Variants in SNX31 observed in about 807,000 individuals in gnomAD.
The protein encoded by SNX31 is sorting nexin 31.
A neutral mutation model predicts 65.4 loss-of-function variants in SNX31; 58 were observed. That is an observed-to-expected ratio of 0.89 (90% CI 0.72 to 1.10). The LOEUF is 1.10. Among genes scored for constraint, SNX31 ranks in the 50% least tolerant of loss-of-function variants. The pLI, the probability that SNX31 is intolerant of heterozygous loss-of-function variation, is 0.00. For synonymous variants in SNX31, 181 were observed against 190.1 expected (o/e 0.95, Z 0.39); for missense variants, 523 against 529.7 (o/e 0.99, Z 0.12).
rs536998204 is a variant in SNX31 at position 100,634,900 on chromosome 8, A to T, written c.256+997T>A. ...GTGAGACCCCACCTCTGTAAAAAAAATTTTTTTTTTTAATTGGCCAGGCAT... is the reference window on the plus strand; with the variant it reads ...GTGAGACCCCACCTCTGTAAAAAAATTTTTTTTTTTTAATTGGCCAGGCAT... On this transcript the variant is annotated intron_variant, in intron 3 of 13. Coordinates refer to ENST00000311812, the MANE Select transcript of SNX31 (RefSeq NM_152628.4). Among the ~76,000 whole-genome samples the T allele has an allele frequency of 2.6e-3, 350 of 136,922 alleles. 3 individuals carry two copies. Among genetic ancestry groups the T allele is most frequent in the Admixed American group, 0.016 (227 of 13,928 alleles). The allele number at this position is 136,922 out of a possible 152,430, so 89.8% of individuals were successfully genotyped here.
In SNX31 at chr8:100,625,940, A is replaced by G. The variant is rs7004548; in HGVS notation, c.321+4387T>C. On this transcript the variant is annotated intron_variant, in intron 4 of 13. Coordinates refer to ENST00000311812, the MANE Select transcript of SNX31 (RefSeq NM_152628.4). The surrounding 1 kb of genome is among the most constrained non-coding windows in gnomAD (Gnocchi z 4.2). ...TAAGATTTTGCTTTTTAAAACCTAT[A>G]TCTTGGCCAGGCATGGTAGCTCACA... Among the ~76,000 whole-genome samples the G allele has an allele frequency of 0.19, 29,402 of 152,118 alleles. 3,595 individuals are homozygous for G. Among genetic ancestry groups the G allele is most frequent in the African/African-American group, 0.34 (14,062 of 41,458 alleles).
chr8:100,642,145 G>T (rs12545144), intron 2 of SNX31, among the ~76,000 whole-genome samples: 71,841 of 151,822 alleles, frequency 0.47, 17,222 homozygotes, highest in South Asian at 0.53. Flanking sequence ...GAAATTTTTC[G>T]GCCCTTCCAG....
intron 5 of SNX31, among the ~76,000 whole-genome samples, chr8:100,615,575 C>T (rs138983707): frequency 1.3e-5 from 2 of 152,264 alleles, no homozygotes; most frequent in South Asian, 4.2e-4. Context: ...GTGAACACTG[C>T]GAAGTGAACT....
intron 12 of SNX31, among the ~76,000 whole-genome samples, chr8:100,580,156 TAAAAAAAAAA>T (rs10608114): frequency 8.0e-6 from 1 of 124,492 alleles, no homozygotes; most frequent in Non-Finnish European, 1.8e-5. Flanking sequence ...AGCCTGTCTT[TAAAAAAAAAA>T]AAAAAAAAAA....
rs1346806690 is a variant in SNX31, at chr8:100,626,593, C to T, written c.321+3734G>A. 6.6e-6 allele frequency among the ~76,000 whole-genome samples: 1 copy of T among 152,090 alleles called. No individual in the cohort carries two copies. Among genetic ancestry groups the T allele is most frequent in the Non-Finnish European group, 1.5e-5 (1 of 68,010 alleles). On this transcript the variant is annotated intron_variant, in intron 4 of 13. Coordinates refer to ENST00000311812, the MANE Select transcript of SNX31 (RefSeq NM_152628.4). The surrounding 1 kb of genome is among the most constrained non-coding windows in gnomAD (Gnocchi z 4.4). ...CAGATTCGATGAATTCAACTCAGGCCCCCTCCCCAGTACTATGTGTCAGCA... is the reference window on the plus strand; with the variant it reads ...CAGATTCGATGAATTCAACTCAGGCTCCCTCCCCAGTACTATGTGTCAGCA...
chr8:100,619,492 A>G (rs991922447), intron 4 of SNX31, among the ~76,000 whole-genome samples: 1 of 152,206 alleles, frequency 6.6e-6, no homozygotes, highest in African/African-American at 2.4e-5. Context: ...CTTGGGATGG[A>G]GCTGGAGACA....
At chr8:100,651,713 C>T (rs907669574), upstream of SNX31, among the ~76,000 whole-genome samples, 2 of 152,266 alleles carry the variant, frequency 1.3e-5, no homozygotes, top group African/African-American at 4.8e-5. Flanking sequence ...ATTGGAGGCG[C>T]TGCTCTGAAC....
chr8:100,586,605 T>G (rs1054617774), intron 11 of SNX31, among the ~76,000 whole-genome samples: 2 of 152,214 alleles, frequency 1.3e-5, no homozygotes, highest in African/African-American at 4.8e-5. Context: ...TGACTGATAA[T>G]CTTGCCTTAG....
intron 3 of SNX31, among the ~76,000 whole-genome samples, chr8:100,634,293 C>A (rs1292105933): frequency 6.6e-6 from 1 of 152,176 alleles, no homozygotes; most frequent in Non-Finnish European, 1.5e-5. Flanking sequence ...TAAGGACTAA[C>A]ATGAAGGCAC....
At chr8:100,662,990 C>T (rs1254226633) in intron 1 of SNX31, among the ~76,000 whole-genome samples, 1 of 152,122 alleles carries the variant, frequency 6.6e-6, no homozygotes, top group Non-Finnish European at 1.5e-5. Flanking sequence ...TAGCTGGAAG[C>T]CGTTATCCTA....
Position 100,660,694 on chromosome 8 carries a change from G to T in SNX31, c.-58+2448C>A, listed in dbSNP as rs1342019200. Among the ~76,000 whole-genome samples the T allele has an allele frequency of 6.6e-6, 1 of 152,098 alleles. No homozygotes were observed. On this transcript the variant is annotated intron_variant, in intron 1 of 5. Coordinates refer to the SNX31 transcript ENST00000520352. This position sits in a 1 kb window ranked among gnomAD's most constrained non-coding sequence, Gnocchi z 4.1. ...TGGCCTCTCCCAGCAGCCTGGCCTG[G>T]GCCTGTCAAACTCCAGTGTACTTGC...
At chr8:100,631,338 G>C (rs989371830) in intron 3 of SNX31, among the ~76,000 whole-genome samples, 1 of 151,722 alleles carries the variant, frequency 6.6e-6, no homozygotes, top group Non-Finnish European at 1.5e-5. Flanking sequence ...ACCCCCACTT[G>C]CCACAGATCC....
In SNX31 at chr8:100,575,063, G is replaced by GA. The variant is rs796412256; in HGVS notation, c.1228-1104dup. Reference sequence around the variant, plus strand: ...GACACGGTTATGGAAAGTGGAAAGTGAAAAAAAAAATGTGGAGCCCCTCAG... The same window carrying GA: ...GACACGGTTATGGAAAGTGGAAAGTGAAAAAAAAAAATGTGGAGCCCCTCAG... On this transcript the variant is annotated intron_variant, in intron 13 of 13. Coordinates refer to ENST00000311812, the MANE Select transcript of SNX31 (RefSeq NM_152628.4). This position sits in a 1 kb window ranked among gnomAD's most constrained non-coding sequence, Gnocchi z 5.1. 2.7e-5 allele frequency among the ~76,000 whole-genome samples: 4 copies of GA among 149,954 alleles called. No individual in the cohort carries two copies. Among genetic ancestry groups the GA allele is most frequent in the South Asian group, 2.1e-4 (1 of 4,750 alleles).
chr8:100,599,360 A>G (rs1815398444), intron 9 of SNX31, among the ~76,000 whole-genome samples: 1 of 152,192 alleles, frequency 6.6e-6, no homozygotes, highest in Non-Finnish European at 1.5e-5. Context: ...CACAGTTTGT[A>G]ATTGCATCTG....
chr8:100,617,380 A>G lies in SNX31; in HGVS notation c.432+240T>C, dbSNP rs115042417. Among the ~76,000 whole-genome samples the G allele has an allele frequency of 9.1e-3, 1,387 of 152,268 alleles. 25 individuals carry two copies. The highest frequency in any genetic ancestry group is 0.032 in the African/African-American group (1,309 of 41,532). On this transcript the variant is annotated intron_variant, in intron 5 of 13. Coordinates refer to ENST00000311812, the MANE Select transcript of SNX31 (RefSeq NM_152628.4). ...AAGGAAGTGACAGCAGCCTTCCAGG[A>G]GATCTCTGGAAAATTGGTGCCCCCA...
chr8:100,631,605 T>G (rs1181778691), intron 3 of SNX31, among the ~76,000 whole-genome samples: 1 of 152,052 alleles, frequency 6.6e-6, no homozygotes, highest in Non-Finnish European at 1.5e-5. Context: ...ACCCGGCCTG[T>G]TTTACTAATT....
chr8:100,617,328 T>C (rs187069234), intron 5 of SNX31, among the ~76,000 whole-genome samples: 2 of 152,280 alleles, frequency 1.3e-5, no homozygotes, highest in Non-Finnish European at 2.9e-5. Context: ...TTTACATATT[T>C]CCAGGCCACA....
Position 100,649,637 on chromosome 8 carries a change from G to A in SNX31, c.-123C>T. 1.1e-6 allele frequency: 1 copy of A among 951,314 alleles called. No homozygotes were observed. Among genetic ancestry groups the A allele is most frequent in the Non-Finnish European group, 1.5e-6 (1 of 657,598 alleles). 58.9% of individuals were successfully genotyped at this position (951,314 alleles called of 1,614,324 possible). On this transcript the variant is annotated 5_prime_UTR_variant, in exon 1 of 14. Transcript: ENST00000311812. ...GCCACGCGACTCAGAGCGAACCCCG[G>A]CGCCCGCTCTCGCCGGCCGGGGACA...
upstream of SNX31, among the ~76,000 whole-genome samples, chr8:100,650,704 T>C (rs1223666122): frequency 6.6e-6 from 1 of 152,138 alleles, no homozygotes; most frequent in Admixed American, 6.5e-5. Flanking sequence ...TCTGGTCTTA[T>C]AGAAAAGGAA....
Sources: allele counts gnomAD v4.1 joint callset (sites outside exome capture counted in the v4.1 genomes callset), GRCh38; gene constraint gnomAD v4.1.1; non-coding constraint Gnocchi (gnomAD v3.1); transcripts MANE v1.5; gene names NCBI Gene and HGNC (gene_info 2026-07-23, HGNC 2026-07-21).